Variants in PIK3C3 observed in about 807,000 individuals in gnomAD.
PIK3C3 encodes PI3-kinase type 3.
In PIK3C3, 95 loss-of-function variants were observed where a neutral mutation model predicts 126.1. That is an observed-to-expected ratio of 0.75 (90% CI 0.64 to 0.89). The LOEUF (loss-of-function observed/expected upper bound fraction) is 0.89. Among genes scored for constraint, PIK3C3 ranks in the 40% least tolerant of loss-of-function variants. PIK3C3 has a pLI of 0.00. For missense variants in PIK3C3, 829 were observed against 1,063.2 expected (o/e 0.78, Z 3.06); for synonymous variants, 374 against 360.0 (o/e 1.04, Z -0.44).
intron 9 of PIK3C3, among the ~76,000 whole-genome samples, chr18:42,000,093 GC>G (rs1982213153): frequency 6.6e-6 from 1 of 152,112 alleles, no homozygotes; most frequent in Non-Finnish European, 1.5e-5. Flanking sequence ...CACTCTTGTT[GC>G]CCAGGCTGGA....
chr18:42,080,524 A>C (rs1986210919), intron 24 of PIK3C3, among the ~76,000 whole-genome samples: 4 of 152,208 alleles, frequency 2.6e-5, no homozygotes, highest in Admixed American at 2.6e-4. Flanking sequence ...CAAAAAGGGC[A>C]CGAGTTATGG....
chr18:42,060,700 C>T (rs939087405), intron 22 of PIK3C3, among the ~76,000 whole-genome samples: 2 of 152,012 alleles, frequency 1.3e-5, no homozygotes, highest in Non-Finnish European at 1.5e-5. Context: ...TTGCTTGAAC[C>T]CGAGAGGCAG....
intron 21 of PIK3C3, 176 bp from the exon 22 acceptor site, chr18:42,057,707 A>G (rs185539712): frequency 5.2e-6 from 3 of 574,732 alleles, no homozygotes; most frequent in African/African-American, 3.9e-5. Context: ...TGAGTTAATT[A>G]TGTTCTGAAG....
At chr18:42,011,515 T>C (rs928169984) in intron 10 of PIK3C3, among the ~76,000 whole-genome samples, 1 of 152,230 alleles carries the variant, frequency 6.6e-6, no homozygotes, top group Non-Finnish European at 1.5e-5. Context: ...ATTAGGGCCT[T>C]GCTCTGGATT....
chr18:42,061,532 A>T (rs1318423865), intron 22 of PIK3C3, among the ~76,000 whole-genome samples: 4 of 152,160 alleles, frequency 2.6e-5, no homozygotes, highest in Non-Finnish European at 4.4e-5. Flanking sequence ...CAGTGACCCG[A>T]GATCGTGCCA....
intron 4 of PIK3C3, chr18:41,984,895 G>A (rs973025934): frequency 4.6e-5 from 7 of 152,102 alleles, no homozygotes; most frequent in African/African-American, 7.2e-5. Flanking sequence ...GTGATGCTGC[G>A]TCTGTTCCAG....
chr18:42,056,094 T>G (rs1985052516), intron 21 of PIK3C3, among the ~76,000 whole-genome samples: 1 of 152,094 alleles, frequency 6.6e-6, no homozygotes, highest in Non-Finnish European at 1.5e-5. Context: ...TTTTTAAATT[T>G]CATTATGTGT....
At chr18:42,029,863 A>G (rs938365578) in intron 15 of PIK3C3, among the ~76,000 whole-genome samples, 1 of 152,022 alleles carries the variant, frequency 6.6e-6, no homozygotes, top group Admixed American at 6.6e-5. Context: ...ACTTCTTACC[A>G]TGAAATTATA....
chr18:41,989,221 A>G (rs755081971), intron 5 of PIK3C3, among the ~76,000 whole-genome samples: 83 of 151,928 alleles, frequency 5.5e-4, no homozygotes, highest in Admixed American at 7.9e-4. Context: ...TGCTAGGACT[A>G]CAGGCCTGGC....
Position 42,054,156 on chromosome 18 carries a change from A to G in PIK3C3, c.2264-3727A>G, listed in dbSNP as rs1235125633. Among the ~76,000 whole-genome samples the G allele has an allele frequency of 3.9e-4, 14 of 35,790 alleles. No homozygotes were observed. In the East Asian group the frequency reaches 5.0e-3, roughly 13 times the overall value. 23.5% of individuals were successfully genotyped at this position (35,790 alleles called of 152,430 possible). ...TATATATATATATATATATATATAT[A>G]TATATATATATATATATATATATAT... On this transcript the variant is annotated intron_variant, in intron 21 of 24. Coordinates refer to ENST00000262039, the MANE Select transcript of PIK3C3 (RefSeq NM_002647.4).
chr18:42,065,269 A>T lies in PIK3C3; in HGVS notation c.2523+439A>T, dbSNP rs148578063. ...CACTAAGCCAATGAAAAAATAAAAC[A>T]ATCCGTAGAAACACCCTGAGATGAC... On this transcript the variant is annotated intron_variant, in intron 23 of 24. Transcript: ENST00000262039. Among the ~76,000 whole-genome samples, 1,480 of 152,300 alleles carry T rather than the reference A, an allele frequency of 9.7e-3. 16 individuals are homozygous for T. The highest frequency in any genetic ancestry group is 0.034 in the African/African-American group (1,407 of 41,566).
rs757867609 is a variant in PIK3C3, at chr18:41,957,705, G to A, written c.204G>A (p.Lys68=). 2 of 1,613,576 alleles carry A rather than the reference G, an allele frequency of 1.2e-6. No individual in the cohort carries two copies. The highest frequency in any genetic ancestry group is 3.3e-5 in the Admixed American group (2 of 59,830). The change falls in exon 2 of 25, where the codon AAG becomes AAA. Residue 68 remains lysine, a synonymous_variant. Transcript: ENST00000262039. ...CTTGTCAAGTTTTTGCAGAAGGGAA[G>A]CCTTTGGCCTTGCCAGTGAGAACAT... ...YVTCQVFAEG[K]PLALPVRTSY... is the part of the protein sequence containing the mutation.
At chr18:42,001,200 G>A (rs904731731) in intron 9 of PIK3C3, among the ~76,000 whole-genome samples, 21 of 152,086 alleles carry the variant, frequency 1.4e-4, no homozygotes, top group African/African-American at 4.1e-4. Context: ...TGTCAACATC[G>A]AAATAGAATA....
chr18:42,069,933 G>A (rs998476774), intron 24 of PIK3C3, among the ~76,000 whole-genome samples: 1 of 152,116 alleles, frequency 6.6e-6, no homozygotes, highest in Non-Finnish European at 1.5e-5. Flanking sequence ...CTTCAGTCAG[G>A]AATTTAGCTA....
intron 24 of PIK3C3, among the ~76,000 whole-genome samples, chr18:42,076,185 T>TATATATATGCAC (rs1568013922): frequency 2.5e-5 from 3 of 120,624 alleles, no homozygotes; most frequent in East Asian, 5.6e-4. Flanking sequence ...TATGCACATA[T>TATATATATGCAC]ATATATGCAC....
intron 18 of PIK3C3, among the ~76,000 whole-genome samples, chr18:42,040,395 T>A (rs1434289730): frequency 2.0e-5 from 3 of 152,112 alleles, no homozygotes; most frequent in Non-Finnish European, 2.9e-5. Context: ...ATGCTAGATT[T>A]AAGAAGCTTA....
chr18:42,029,616 C>T (rs1022269308), intron 15 of PIK3C3, among the ~76,000 whole-genome samples, 175 bp downstream of exon 15: 2 of 142,390 alleles, frequency 1.4e-5, no homozygotes, highest in Non-Finnish European at 3.0e-5. Context: ...GATCTCGGCT[C>T]ACTGCAACCC....
At chr18:41,957,524 G>A in intron 1 of PIK3C3, 46 bp from the exon 2 acceptor site, 1 of 1,576,746 alleles carries the variant, frequency 6.3e-7, no homozygotes. Flanking sequence ...ATATGTACAT[G>A]CTTAAAAAAT....
At chr18:42,033,112 G>T (rs932805630) in intron 15 of PIK3C3, among the ~76,000 whole-genome samples, 14 of 152,102 alleles carry the variant, frequency 9.2e-5, no homozygotes, top group African/African-American at 3.4e-4. Flanking sequence ...TGCTCCTAAA[G>T]ATTGCAGGAC....
Sources: gnomAD v4.1 joint callset for allele counts (sites outside exome capture counted in the v4.1 genomes callset) on GRCh38, gnomAD v4.1.1 for gene constraint, MANE v1.5 for transcripts, NCBI Gene and HGNC (gene_info 2026-07-23, HGNC 2026-07-21) for gene names.